The following TMEM131 variants were observed in gnomAD, a reference collection of about 807,000 sequenced individuals.
TMEM131 encodes the protein transmembrane protein 131.
In TMEM131, 66 loss-of-function variants were observed where a neutral mutation model predicts 211.6. The ratio of observed to expected loss-of-function variants is 0.31; its 90% CI spans 0.26 to 0.38. TMEM131 has a LOEUF of 0.38. Ranked by LOEUF, TMEM131 falls within the 10% of genes least tolerant of loss-of-function variation. The pLI is 1.00. For synonymous variants in TMEM131, 844 were observed against 841.3 expected (o/e 1.00, Z -0.06); for missense variants, 2,036 against 2,299.3 (o/e 0.89, Z 2.34).
intron 11 of TMEM131, among the ~76,000 whole-genome samples, chr2:97,827,068 C>CAAAA (rs66841026): frequency 4.3e-5 from 4 of 93,656 alleles, no homozygotes; most frequent in African/African-American, 8.2e-5. Context: ...AAGTGATAAG[C>CAAAA]AAAAAAAAAA....
At chr2:97,990,519 T>A (rs1440070401) in intron 1 of TMEM131, among the ~76,000 whole-genome samples, 1 of 152,230 alleles carries the variant, frequency 6.6e-6, no homozygotes, top group Non-Finnish European at 1.5e-5. Context: ...TCACGCTGGG[T>A]ATATTACTTA....
chr2:97,782,078 T>C (rs1441156936), intron 31 of TMEM131, among the ~76,000 whole-genome samples: 1 of 152,072 alleles, frequency 6.6e-6, no homozygotes, highest in Non-Finnish European at 1.5e-5. Context: ...TTCCAGACAG[T>C]CAGTAATGAA....
intron 1 of TMEM131, among the ~76,000 whole-genome samples, chr2:97,935,908 T>A (rs1677422620): frequency 6.6e-6 from 1 of 152,170 alleles, no homozygotes; most frequent in African/African-American, 2.4e-5. Flanking sequence ...CTCATTCTCT[T>A]CTCTCCAGCT....
chr2:97,772,435 T>C lies in TMEM131; in HGVS notation c.4321-11A>G, dbSNP rs768150014. 3 of 1,608,850 alleles carry C rather than the reference T, an allele frequency of 1.9e-6. No individual in the cohort carries two copies. Among genetic ancestry groups the C allele is most frequent in the Non-Finnish European group, 2.5e-6 (3 of 1,178,662 alleles). The stretch of plus-strand genomic sequence containing the variant: ...TTGCTTTTCTGTATCCTGTAAAAAA[T>C]GGACACTTAATTGCTGAGAAGGATT... On this transcript the variant is annotated splice_polypyrimidine_tract_variant and intron_variant, in intron 32 of 40. Coordinates refer to ENST00000186436, the MANE Select transcript of TMEM131 (RefSeq NM_015348.2).
chr2:97,775,810 C>T, intron 32 of TMEM131, 33 bp downstream of exon 32: 2 of 1,588,072 alleles, frequency 1.3e-6, no homozygotes, highest in South Asian at 1.2e-5. Flanking sequence ...TCTCTTTCTC[C>T]CTCGTGTTTT....
intron 1 of TMEM131, among the ~76,000 whole-genome samples, chr2:97,973,557 G>A (rs951192419): frequency 9.9e-5 from 15 of 152,196 alleles, no homozygotes; most frequent in Admixed American, 6.5e-5. Context: ...GGAGTGAGCT[G>A]CATAGAGAAC....
At chr2:97,911,753 C>G (rs1331377392) in intron 2 of TMEM131, 1 of 629,108 alleles carries the variant, frequency 1.6e-6, no homozygotes, top group African/African-American at 2.0e-5. Context: ...AATCATTTAA[C>G]TGTAATAAAC....
chr2:97,774,793 A>G (rs934307597), intron 32 of TMEM131, among the ~76,000 whole-genome samples: 3 of 152,228 alleles, frequency 2.0e-5, no homozygotes, highest in African/African-American at 7.2e-5. Context: ...AAAGTTTAGC[A>G]CAGGGCTTTC....
chr2:97,935,707 G>A lies in TMEM131; in HGVS notation c.188-8220C>T, dbSNP rs114524754. ...TGTCAGTGAAAATGGCAAAGTTAGGGACATTTGAAAATTCTAACAAGAACA... is the reference window on the plus strand; with the variant it reads ...TGTCAGTGAAAATGGCAAAGTTAGGAACATTTGAAAATTCTAACAAGAACA... On this transcript the variant is annotated intron_variant, in intron 1 of 40. Coordinates refer to ENST00000186436, the MANE Select transcript of TMEM131 (RefSeq NM_015348.2). 1.2e-3 allele frequency among the ~76,000 whole-genome samples: 183 copies of A among 152,228 alleles called. 1 individual carries two copies. The highest frequency in any genetic ancestry group is 4.2e-3 in the African/African-American group (175 of 41,536).
intron 4 of TMEM131, among the ~76,000 whole-genome samples, chr2:97,864,547 A>C (rs895979719): frequency 6.6e-6 from 1 of 152,228 alleles, no homozygotes; most frequent in Non-Finnish European, 1.5e-5. Context: ...TTTAAAAAAA[A>C]GCAACAAATT....
chr2:97,900,897 G>C (rs756341343), intron 3 of TMEM131, among the ~76,000 whole-genome samples: 24 of 151,810 alleles, frequency 1.6e-4, no homozygotes, highest in Non-Finnish European at 3.1e-4. Context: ...TTGTCTTTTT[G>C]ATGACAGCCT....
intron 5 of TMEM131, among the ~76,000 whole-genome samples, chr2:97,848,709 T>A (rs1483537120): frequency 6.6e-6 from 1 of 151,708 alleles, no homozygotes; most frequent in Non-Finnish European, 1.5e-5. Flanking sequence ...CAGCTGTACT[T>A]CTAGGAAAAA....
chr2:97,777,724 C>T (rs1679805335), intron 31 of TMEM131, among the ~76,000 whole-genome samples: 1 of 152,146 alleles, frequency 6.6e-6, no homozygotes, highest in South Asian at 2.1e-4. Flanking sequence ...ATTGAAGGGG[C>T]ATCTCGTTTC....
chr2:97,955,919 T>C (rs997448659), intron 1 of TMEM131, among the ~76,000 whole-genome samples: 2 of 152,196 alleles, frequency 1.3e-5, no homozygotes, highest in African/African-American at 4.8e-5. Flanking sequence ...CAAATTAATA[T>C]ACAGGTTTAA....
intron 7 of TMEM131, among the ~76,000 whole-genome samples, chr2:97,841,438 A>G (rs1683187324): frequency 6.6e-6 from 1 of 152,218 alleles, no homozygotes; most frequent in South Asian, 2.1e-4. Flanking sequence ...TTATTTCCAG[A>G]AATAAACTTG....
chr2:97,955,338 G>A (rs1376926856), intron 1 of TMEM131, among the ~76,000 whole-genome samples: 1 of 152,140 alleles, frequency 6.6e-6, no homozygotes, highest in Non-Finnish European at 1.5e-5. Context: ...TTGACAAAGA[G>A]CATCTGCAAA....
At chr2:97,974,996 A>G (rs1378911369) in intron 1 of TMEM131, among the ~76,000 whole-genome samples, 5 of 152,216 alleles carry the variant, frequency 3.3e-5, no homozygotes, top group Admixed American at 3.3e-4. Context: ...GAGTACTCCA[A>G]CAACAGCAGA....
rs747594853 is a variant in TMEM131 at position 97,815,175 on chromosome 2, A to C, written c.1292+24T>G. On this transcript the variant is annotated intron_variant, in intron 13 of 40. Transcript: ENST00000186436. ...TTTACTGATTAGTAAAAAGTAATAG[A>C]ATTTATTTTAAAAAGAAACTCACCC... 3.7e-6 allele frequency: 5 copies of C among 1,339,542 alleles called. No individual in the cohort carries two copies. In the Admixed American group the frequency reaches 7.8e-5, roughly 21 times the overall value. 83.0% of individuals were successfully genotyped at this position (1,339,542 alleles called of 1,614,324 possible). A position where few individuals can be genotyped will look rare whatever the true frequency, so the allele number is the denominator to read the frequency against.
At chr2:97,978,331 T>A (rs888673501) in intron 1 of TMEM131, among the ~76,000 whole-genome samples, 2 of 152,144 alleles carry the variant, frequency 1.3e-5, no homozygotes, top group Non-Finnish European at 2.9e-5. Context: ...AGGAGCAGAT[T>A]TCATCTCAAG....
Sources: allele counts gnomAD v4.1 joint callset (sites outside exome capture counted in the v4.1 genomes callset), GRCh38; gene constraint gnomAD v4.1.1; transcripts MANE v1.5; gene names NCBI Gene and HGNC (gene_info 2026-07-23, HGNC 2026-07-21).